MAML3: variants seen among roughly 807,000 people sequenced by gnomAD.
MAML3 encodes the protein mastermind like transcriptional coactivator 3, also known as mastermind-like protein 3.
MAML3 carries 27 observed loss-of-function variants against 101.9 expected under a neutral mutation model. The ratio of observed to expected loss-of-function variants is 0.27; its 90% CI spans 0.20 to 0.37. The LOEUF (loss-of-function observed/expected upper bound fraction) is 0.37, where lower values mean the gene tolerates loss of function less well. Among genes scored for constraint, MAML3 ranks in the 10% least tolerant of loss-of-function variants. The pLI is 1.00. For missense variants in MAML3, 1,316 were observed against 1,444.9 expected, an observed-to-expected ratio of 0.91 and a Z score of 1.45; for synonymous variants, 501 against 555.9, an observed-to-expected ratio of 0.90 and a Z score of 1.39.
chr4:139,804,638 C>T (rs2111106331), intron 2 of MAML3, among the ~76,000 whole-genome samples: 1 of 152,266 alleles, frequency 6.6e-6, no homozygotes, highest in East Asian at 1.9e-4. Flanking sequence ...TTTTTAAGGT[C>T]TGCTTATACT....
intron 1 of MAML3, among the ~76,000 whole-genome samples, chr4:139,976,908 T>C (rs1203691915): frequency 6.6e-6 from 1 of 152,038 alleles, no homozygotes; most frequent in Non-Finnish European, 1.5e-5. Flanking sequence ...GTCACATCCA[T>C]TAAACAGAGG....
intron 2 of MAML3, among the ~76,000 whole-genome samples, chr4:139,820,194 T>A (rs1399941194): frequency 6.6e-6 from 1 of 152,216 alleles, no homozygotes; most frequent in Non-Finnish European, 1.5e-5. Flanking sequence ...GTGAAGCAAC[T>A]GTGACCCGAA....
At chr4:140,088,702 A>T (rs1230064372) in intron 1 of MAML3, among the ~76,000 whole-genome samples, 1 of 152,098 alleles carries the variant, frequency 6.6e-6, no homozygotes, top group Non-Finnish European at 1.5e-5. Flanking sequence ...GGAGCTCTTC[A>T]CTGGTATCTC....
chr4:140,055,859 TA>T (rs370338814), intron 1 of MAML3, among the ~76,000 whole-genome samples: 222 of 142,668 alleles, frequency 1.6e-3, no homozygotes, highest in Admixed American at 2.6e-3. Flanking sequence ...GTTAGTAGTT[TA>T]AAAAAAAAAA....
At chr4:140,001,773 AATCAT>A (rs1734928995) in intron 1 of MAML3, among the ~76,000 whole-genome samples, 2 of 152,334 alleles carry the variant, frequency 1.3e-5, no homozygotes, top group South Asian at 4.1e-4. Flanking sequence ...ACCTCTATTT[AATCAT>A]ATCCTTGGCC....
At chr4:139,907,924 G>A (rs536254302) in intron 1 of MAML3, among the ~76,000 whole-genome samples, 20 of 152,168 alleles carry the variant, frequency 1.3e-4, no homozygotes, top group Non-Finnish European at 2.2e-4. Flanking sequence ...TACTGGACCA[G>A]GTTACATATA....
intron 2 of MAML3, among the ~76,000 whole-genome samples, chr4:139,840,015 C>A (rs547257588): frequency 6.6e-6 from 1 of 152,074 alleles, no homozygotes; most frequent in African/African-American, 2.4e-5. Flanking sequence ...GGTCAAAAGC[C>A]CCCCAAAGAT....
chr4:140,102,283 G>T (rs1035628228), intron 1 of MAML3, among the ~76,000 whole-genome samples: 28 of 152,150 alleles, frequency 1.8e-4, no homozygotes, highest in Non-Finnish European at 4.4e-5. Flanking sequence ...TGGAATCCTA[G>T]AGAGACTTCA....
chr4:139,792,790 G>A (rs1373638037), intron 2 of MAML3, among the ~76,000 whole-genome samples: 2 of 150,798 alleles, frequency 1.3e-5, no homozygotes, highest in Non-Finnish European at 2.9e-5. Context: ...TGTCACCCAG[G>A]CTGGAGTGCA....
chr4:140,067,876 G>A (rs1265835917), intron 1 of MAML3, among the ~76,000 whole-genome samples: 1 of 151,998 alleles, frequency 6.6e-6, no homozygotes, highest in Non-Finnish European at 1.5e-5. Context: ...TGGGATTATA[G>A]GCATATGCCA....
intron 1 of MAML3, among the ~76,000 whole-genome samples, chr4:140,123,965 C>A (rs1728647668): frequency 6.6e-6 from 1 of 152,140 alleles, no homozygotes. Flanking sequence ...TCACAATGAA[C>A]CCCAAAGCGA....
At chr4:139,767,563 A>T (rs1729889491) in intron 2 of MAML3, among the ~76,000 whole-genome samples, 2 of 152,246 alleles carry the variant, frequency 1.3e-5, no homozygotes, top group Non-Finnish European at 2.9e-5. Flanking sequence ...GGATTTGGTG[A>T]ACATGTGTGT....
chr4:139,784,961 T>A (rs1053453579), intron 2 of MAML3, among the ~76,000 whole-genome samples: 32 of 152,364 alleles, frequency 2.1e-4, no homozygotes, highest in South Asian at 4.1e-4. Flanking sequence ...AGAAGGTAGA[T>A]GATGGGAAAT....
At position 139,822,294 on chromosome 4, in the gene MAML3, T is replaced by C. The variant is rs564832990; in HGVS notation, c.2079+67063A>G. Reference sequence around the variant, plus strand: ...ACCATCATCATCATCATTGCTATCATTGTGGCAAATATGGGAGTAGAGGCC... The same window carrying C: ...ACCATCATCATCATCATTGCTATCACTGTGGCAAATATGGGAGTAGAGGCC... On this transcript the variant is annotated intron_variant, in intron 2 of 4. Coordinates refer to ENST00000509479, the MANE Select transcript of MAML3 (RefSeq NM_018717.5). Among the ~76,000 whole-genome samples, 8 of 142,990 alleles carry C rather than the reference T, an allele frequency of 5.6e-5. No homozygotes were observed. In the South Asian group the frequency reaches 1.2e-3, roughly 21 times the overall value. 93.8% of individuals were successfully genotyped at this position (142,990 alleles called of 152,430 possible). A position where few individuals can be genotyped will look rare whatever the true frequency, so the allele number is the denominator to read the frequency against.
chr4:139,939,850 C>T (rs546103791), intron 1 of MAML3, among the ~76,000 whole-genome samples: 29 of 151,438 alleles, frequency 1.9e-4, no homozygotes, highest in Admixed American at 1.7e-3. Context: ...CTGCAACCTC[C>T]GCCTCCTCGA....
At chr4:140,041,466 A>G (rs1727085063) in intron 1 of MAML3, among the ~76,000 whole-genome samples, 1 of 152,202 alleles carries the variant, frequency 6.6e-6, no homozygotes, top group Non-Finnish European at 1.5e-5. Flanking sequence ...TCTACTAAAA[A>G]TACAAAAATT....
chr4:139,856,244 A>G (rs1248320225), intron 2 of MAML3, among the ~76,000 whole-genome samples: 1 of 152,262 alleles, frequency 6.6e-6, no homozygotes, highest in African/African-American at 2.4e-5. Context: ...AGTGTATAGC[A>G]TAAATGGGTG....
At chr4:139,969,612 G>T (rs6838773) in intron 1 of MAML3, among the ~76,000 whole-genome samples, 47,909 of 152,006 alleles carry the variant, frequency 0.32, 8,383 homozygotes, top group East Asian at 0.62. Context: ...TTATGTAAAA[G>T]AATTCACAAT....
intron 2 of MAML3, among the ~76,000 whole-genome samples, chr4:139,869,320 C>A (rs1483335757): frequency 3.3e-5 from 5 of 152,182 alleles, no homozygotes. Flanking sequence ...ATCCATCGAG[C>A]TGCGGATCTA....
Sources: gnomAD v4.1 joint callset for allele counts (sites outside exome capture counted in the v4.1 genomes callset) on GRCh38, gnomAD v4.1.1 for gene constraint, MANE v1.5 for transcripts, NCBI Gene and HGNC (gene_info 2026-07-23, HGNC 2026-07-21) for gene names.